RYK: variants seen among roughly 807,000 people sequenced by gnomAD.
RYK encodes receptor like tyrosine kinase.
RYK carries 21 observed loss-of-function variants against 70.2 expected under a neutral mutation model. That is an observed-to-expected ratio of 0.30 (90% CI 0.21 to 0.43). RYK has a LOEUF of 0.43. Among genes scored for constraint, RYK ranks in the 20% least tolerant of loss-of-function variants. RYK has a pLI of 1.00. For missense variants in RYK, 604 were observed against 753.3 expected, an observed-to-expected ratio of 0.80 and a Z score of 2.32; for synonymous variants, 267 against 278.0, an observed-to-expected ratio of 0.96 and a Z score of 0.39.
At position 134,210,148 on chromosome 3, in the gene RYK, C is replaced by T. The variant is rs554963770; in HGVS notation, c.455-319G>A. Among the ~76,000 whole-genome samples, 26 of 152,260 alleles carry T rather than the reference C, an allele frequency of 1.7e-4. 1 individual carries two copies. In the South Asian group the frequency reaches 5.2e-3, roughly 30 times the overall value. Reference sequence around the variant, plus strand: ...ACTTTGTCTCATAAGTCCTGCTATTCCAGTACACTAAAACTGAAGGATCAT... The same window carrying T: ...ACTTTGTCTCATAAGTCCTGCTATTTCAGTACACTAAAACTGAAGGATCAT... On this transcript the variant is annotated intron_variant, in intron 3 of 14. Transcript: ENST00000623711.
In RYK at chr3:134,195,569, C is replaced by T. The variant is rs1305152559; in HGVS notation, c.789-387G>A. Among the ~76,000 whole-genome samples the T allele has an allele frequency of 2.6e-5, 4 of 152,208 alleles. No individual in the cohort carries two copies. The South Asian group carries it at 8.3e-4, about 32-fold the overall frequency. ...AGAAAAGAAGAAGAAAGACAGGCCT[C>T]TTTCAATGATGGCCCAATATCAAAT... is the stretch of plus-strand genomic sequence containing the variant. On this transcript the variant is annotated intron_variant, in intron 6 of 14. Transcript: ENST00000623711.
chr3:134,225,887 T>A lies in RYK; in HGVS notation c.233-3348A>T, dbSNP rs559432607. ...ATAAAAAGATCAAAAAAAAAAAAGA[T>A]CAAAGGTCACCAAATTGAGTGTGGA... On this transcript the variant is annotated intron_variant, in intron 1 of 14. Coordinates refer to ENST00000623711, the MANE Select transcript of RYK (RefSeq NM_002958.4). Among the ~76,000 whole-genome samples the A allele has an allele frequency of 4.0e-3, 577 of 145,152 alleles. 2 individuals carry two copies. Among genetic ancestry groups the A allele is most frequent in the African/African-American group, 0.013 (541 of 40,656 alleles).
intron 1 of RYK, among the ~76,000 whole-genome samples, chr3:134,227,636 A>G (rs2107688467): frequency 6.6e-6 from 1 of 152,120 alleles, no homozygotes; most frequent in Non-Finnish European, 1.5e-5. Flanking sequence ...AGGATTATAA[A>G]CTAGTACACC....
chr3:134,192,176 A>C (rs79798304), intron 7 of RYK, among the ~76,000 whole-genome samples: 13,703 of 152,168 alleles, frequency 0.09, 1,150 homozygotes, highest in South Asian at 0.33. Context: ...ACCCACCACA[A>C]TACTACTCCA....
intron 13 of RYK, among the ~76,000 whole-genome samples, chr3:134,167,848 T>C (rs1464970731): frequency 2.6e-5 from 4 of 152,008 alleles, no homozygotes; most frequent in Non-Finnish European, 4.4e-5. Context: ...ACCTACAAAA[T>C]GGGAGAAAAT....
In RYK at chr3:134,214,026, C is replaced by T. The variant is rs144764995; in HGVS notation, c.355-2419G>A. On this transcript the variant is annotated intron_variant, in intron 2 of 14. Coordinates refer to ENST00000623711, the MANE Select transcript of RYK (RefSeq NM_002958.4). Reference sequence around the variant, plus strand: ...TTCACCATGTTGGCCAGGATGGTCTCGAACTCCTGGCCCCAAGTGATCCAC... The same window carrying T: ...TTCACCATGTTGGCCAGGATGGTCTTGAACTCCTGGCCCCAAGTGATCCAC... Among the ~76,000 whole-genome samples the T allele has an allele frequency of 1.8e-3, 272 of 152,144 alleles. 1 individual carries two copies. Among genetic ancestry groups the T allele is most frequent in the African/African-American group, 6.2e-3 (257 of 41,502 alleles).
chr3:134,170,884 G>T, intron 13 of RYK: 1 of 156,824 alleles, frequency 6.4e-6, no homozygotes, highest in South Asian at 1.9e-4. Context: ...GTGAGAGGTG[G>T]AGTAATTTAA....
At chr3:134,218,849 T>C (rs1026117651) in intron 2 of RYK, among the ~76,000 whole-genome samples, 1 of 152,142 alleles carries the variant, frequency 6.6e-6, no homozygotes, top group African/African-American at 2.4e-5. Context: ...GTGTGAGGCA[T>C]TGGGTCACAA....
At chr3:134,195,031 G>C in intron 7 of RYK, 51 bp downstream of exon 7, 1 of 1,256,346 alleles carries the variant, frequency 8.0e-7, no homozygotes, top group South Asian at 1.2e-5. Context: ...CCACTGGGAA[G>C]CAGCATAGAC....
chr3:134,224,386 G>C (rs1390294170), intron 1 of RYK, among the ~76,000 whole-genome samples: 1 of 152,198 alleles, frequency 6.6e-6, no homozygotes, highest in Non-Finnish European at 1.5e-5. Flanking sequence ...GCATTTCTCG[G>C]AGAGATCAAA....
intron 1 of RYK, among the ~76,000 whole-genome samples, chr3:134,227,521 A>G (rs756068157): frequency 3.2e-4 from 48 of 152,004 alleles, no homozygotes; most frequent in Middle Eastern, 3.2e-3. Context: ...ATGTAAAGCA[A>G]CTAGATGCAT....
chr3:134,165,967 T>C (rs1020583089), intron 13 of RYK, among the ~76,000 whole-genome samples: 7 of 152,216 alleles, frequency 4.6e-5, no homozygotes, highest in Non-Finnish European at 7.3e-5. Flanking sequence ...AAATGACACT[T>C]TGGACTTAAG....
intron 1 of RYK, among the ~76,000 whole-genome samples, chr3:134,225,671 C>T (rs940917018): frequency 6.6e-6 from 1 of 152,046 alleles, no homozygotes; most frequent in African/African-American, 2.4e-5. Flanking sequence ...CTGGGCAACA[C>T]AGCAACAACC....
intron 1 of RYK, among the ~76,000 whole-genome samples, chr3:134,247,593 T>C (rs546642759): frequency 7.3e-4 from 111 of 151,358 alleles, no homozygotes; most frequent in African/African-American, 2.5e-3. Flanking sequence ...TCCCAACTAC[T>C]GGGGAGGCTG....
At chr3:134,204,680 G>A (rs1350094366) in intron 5 of RYK, among the ~76,000 whole-genome samples, 1 of 151,070 alleles carries the variant, frequency 6.6e-6, no homozygotes, top group Non-Finnish European at 1.5e-5. Flanking sequence ...GACATAAGCA[G>A]GCAGAGTGGA....
chr3:134,249,733 C>G (rs2015556858), intron 1 of RYK, among the ~76,000 whole-genome samples: 1 of 152,032 alleles, frequency 6.6e-6, no homozygotes, highest in Non-Finnish European at 1.5e-5. Context: ...AGAGTCAGTC[C>G]AAACTCCCAA....
intron 1 of RYK, among the ~76,000 whole-genome samples, chr3:134,244,478 C>G (rs146629076): frequency 2.3e-3 from 344 of 152,260 alleles, no homozygotes; most frequent in African/African-American, 8.0e-3. Context: ...AGGACTGAGT[C>G]AAGACCTGGC....
intron 9 of RYK, among the ~76,000 whole-genome samples, chr3:134,184,590 A>G (rs2013402675): frequency 6.6e-6 from 1 of 152,114 alleles, no homozygotes; most frequent in Non-Finnish European, 1.5e-5. Flanking sequence ...ACAAGACCCC[A>G]TCTCTATTTC....
At chr3:134,205,748 C>A (rs1358643699) in intron 5 of RYK, among the ~76,000 whole-genome samples, 1 of 152,218 alleles carries the variant, frequency 6.6e-6, no homozygotes, top group Non-Finnish European at 1.5e-5. Context: ...GTTCCCAAAT[C>A]CCCTGTGCTT....
Sources: allele counts gnomAD v4.1 joint callset (sites outside exome capture counted in the v4.1 genomes callset), GRCh38; gene constraint gnomAD v4.1.1; transcripts MANE v1.5; gene names NCBI Gene and HGNC (gene_info 2026-07-23, HGNC 2026-07-21).